The following SPOCK3 variants were observed in gnomAD, a reference collection of about 807,000 sequenced individuals.
The protein encoded by SPOCK3 is testican-3.
Under a neutral mutation model 56.6 loss-of-function variants are expected in SPOCK3, and 30 were observed. That is an observed-to-expected ratio of 0.53 (90% CI 0.40 to 0.72). The LOEUF is 0.72. Among genes scored for constraint, SPOCK3 ranks in the 30% least tolerant of loss-of-function variants. The pLI, the probability that SPOCK3 is intolerant of heterozygous loss-of-function variation, is 0.00. For synonymous variants in SPOCK3, 196 were observed against 183.3 expected (o/e 1.07, Z -0.56); for missense variants, 527 against 530.0 (o/e 0.99, Z 0.06).
intron 7 of SPOCK3, 49 bp from the exon 8 acceptor site, chr4:166,754,778 T>C: frequency 6.3e-7 from 1 of 1,584,326 alleles, no homozygotes; most frequent in East Asian, 2.2e-5. Flanking sequence ...AAGACACCAT[T>C]AGCAGAAAGC....
chr4:166,823,358 A>C (rs1745130672), intron 6 of SPOCK3, among the ~76,000 whole-genome samples: 1 of 152,024 alleles, frequency 6.6e-6, no homozygotes, highest in Non-Finnish European at 1.5e-5. Context: ...TGGGTGCCTG[A>C]GTCACAACAT....
chr4:166,911,463 T>C (rs1449001098), intron 5 of SPOCK3, among the ~76,000 whole-genome samples: 1 of 152,194 alleles, frequency 6.6e-6, no homozygotes, highest in Admixed American at 6.5e-5. Flanking sequence ...AGAAAGGTTA[T>C]TTATAGATTT....
Position 166,984,782 on chromosome 4 carries a change from A to G in SPOCK3, c.350+15567T>C, listed in dbSNP as rs77645500. ...CTCTTAGCAGCAATGTTGTTTGTCT[A>G]TACAATTAACTACAGACCATGAAAT... On this transcript the variant is annotated intron_variant, in intron 4 of 10. Coordinates refer to ENST00000357545, the MANE Select transcript of SPOCK3 (RefSeq NM_001040159.2). 6.2e-3 allele frequency among the ~76,000 whole-genome samples: 938 copies of G among 152,258 alleles called. 9 individuals are homozygous for G. Among genetic ancestry groups the G allele is most frequent in the African/African-American group, 0.021 (880 of 41,572 alleles).
At chr4:166,833,340 T>C (rs1746279741) in intron 6 of SPOCK3, among the ~76,000 whole-genome samples, 1 of 152,172 alleles carries the variant, frequency 6.6e-6, no homozygotes, top group Non-Finnish European at 1.5e-5. Context: ...ATATGTTCAA[T>C]AAATGTCAGT....
chr4:166,923,681 C>T (rs1055350748), intron 4 of SPOCK3, among the ~76,000 whole-genome samples: 1 of 152,192 alleles, frequency 6.6e-6, no homozygotes, highest in African/African-American at 2.4e-5. Context: ...TTGTCTTAAT[C>T]ACAAACCACA....
intron 3 of SPOCK3, among the ~76,000 whole-genome samples, chr4:167,007,380 A>G (rs1214518081): frequency 6.6e-6 from 1 of 152,198 alleles, no homozygotes; most frequent in Non-Finnish European, 1.5e-5. Flanking sequence ...TACAATGTAA[A>G]TGCTATAAAA....
At chr4:167,077,586 T>C (rs1757313625) in intron 2 of SPOCK3, among the ~76,000 whole-genome samples, 1 of 152,078 alleles carries the variant, frequency 6.6e-6, no homozygotes. Flanking sequence ...AAAATTCTGC[T>C]TCCCTGTTCC....
intron 4 of SPOCK3, among the ~76,000 whole-genome samples, chr4:166,931,941 G>A (rs1561023993): frequency 6.6e-6 from 1 of 152,028 alleles, no homozygotes; most frequent in Admixed American, 6.5e-5. Flanking sequence ...TTCCTTTCGT[G>A]ACACTTCTCC....
intron 2 of SPOCK3, among the ~76,000 whole-genome samples, chr4:167,078,575 A>G (rs1757419847): frequency 6.6e-6 from 1 of 151,754 alleles, no homozygotes; most frequent in Non-Finnish European, 1.5e-5. Context: ...ACAAATTAAC[A>G]TATTTTCATG....
intron 2 of SPOCK3, among the ~76,000 whole-genome samples, chr4:167,183,228 C>A (rs1485442833): frequency 1.3e-5 from 2 of 152,098 alleles, no homozygotes; most frequent in Non-Finnish European, 2.9e-5. Context: ...CCAGCCCAGC[C>A]CAACTGCAGA....
At chr4:167,062,582 A>C in intron 2 of SPOCK3, 45 bp from the exon 3 acceptor site, 1 of 1,432,938 alleles carries the variant, frequency 7.0e-7, no homozygotes. Context: ...AAGTAATTAA[A>C]ACGCAAGGGT....
intron 3 of SPOCK3, among the ~76,000 whole-genome samples, chr4:167,057,179 C>T (rs1331178438): frequency 2.6e-5 from 4 of 152,210 alleles, no homozygotes; most frequent in African/African-American, 9.6e-5. Flanking sequence ...TCATATCCAG[C>T]CAAACTAAGC....
chr4:167,097,657 C>G (rs556995507), intron 2 of SPOCK3, among the ~76,000 whole-genome samples: 4 of 151,610 alleles, frequency 2.6e-5, no homozygotes, highest in Non-Finnish European at 5.9e-5. Flanking sequence ...TTCCTGTTAC[C>G]TAGGTAGTGA....
chr4:167,210,194 T>C (rs1734737183), intron 2 of SPOCK3, among the ~76,000 whole-genome samples: 2 of 152,162 alleles, frequency 1.3e-5, no homozygotes, highest in South Asian at 4.1e-4. Context: ...ACATGCCACG[T>C]ACTTTTATAC....
intron 6 of SPOCK3, among the ~76,000 whole-genome samples, chr4:166,854,488 A>G (rs1008051004): frequency 5.9e-5 from 9 of 151,986 alleles, no homozygotes; most frequent in Admixed American, 3.3e-4. Flanking sequence ...TCTTTGTTAA[A>G]AAACTTTGTA....
chr4:166,954,754 A>G (rs990053059), intron 4 of SPOCK3, among the ~76,000 whole-genome samples: 4 of 152,180 alleles, frequency 2.6e-5, no homozygotes, highest in African/African-American at 9.7e-5. Context: ...ACCACAATCC[A>G]AATTCAATCC....
chr4:166,797,724 C>A (rs1040756495), intron 6 of SPOCK3, among the ~76,000 whole-genome samples: 1 of 151,742 alleles, frequency 6.6e-6, no homozygotes. Context: ...TGTATATTAA[C>A]AATAATAAAA....
intron 2 of SPOCK3, among the ~76,000 whole-genome samples, chr4:167,230,866 A>G (rs1737107454): frequency 6.6e-6 from 1 of 152,160 alleles, no homozygotes; most frequent in Non-Finnish European, 1.5e-5. Context: ...TATTCAACAG[A>G]CATTGCTAGC....
At chr4:167,142,773 C>A (rs758246952) in intron 2 of SPOCK3, among the ~76,000 whole-genome samples, 1 of 151,824 alleles carries the variant, frequency 6.6e-6, no homozygotes, top group Admixed American at 6.6e-5. Flanking sequence ...TCAGAGCACA[C>A]AATAATGCTC....
Sources: allele counts gnomAD v4.1 joint callset (sites outside exome capture counted in the v4.1 genomes callset), GRCh38; gene constraint gnomAD v4.1.1; transcripts MANE v1.5; gene names NCBI Gene and HGNC (gene_info 2026-07-23, HGNC 2026-07-21).